CADM3: variants seen among roughly 807,000 people sequenced by gnomAD.
CADM3 encodes the protein TSLC1-like 1.
CADM3 carries 11 observed loss-of-function variants against 44.9 expected under a neutral mutation model. That is an observed-to-expected ratio of 0.25 (90% confidence interval 0.15 to 0.41). CADM3 has a LOEUF of 0.41. CADM3 is among the 10% of genes least tolerant of loss of function. The pLI is 1.00. For missense variants in CADM3, 426 were observed against 512.0 expected (o/e 0.83, Z 1.62); for synonymous variants, 207 against 205.2 (o/e 1.01, Z -0.08).
intron 1 of CADM3, among the ~76,000 whole-genome samples, chr1:159,190,238 G>T (rs1165129693): frequency 6.6e-6 from 1 of 152,162 alleles, no homozygotes; most frequent in Non-Finnish European, 1.5e-5. Context: ...CGTGGCTATG[G>T]TAAATGAAAG....
At chr1:159,176,222 G>A (rs1177647273) in intron 1 of CADM3, among the ~76,000 whole-genome samples, 1 of 152,162 alleles carries the variant, frequency 6.6e-6, no homozygotes, top group Non-Finnish European at 1.5e-5. Flanking sequence ...ACTACTGAGT[G>A]AAAAATTCAA....
chr1:159,176,985 T>G (rs1649042712), intron 1 of CADM3, among the ~76,000 whole-genome samples: 1 of 152,096 alleles, frequency 6.6e-6, no homozygotes, highest in Admixed American at 6.5e-5. Context: ...TTACAGCAAT[T>G]TTGGATACAT....
chr1:159,173,120 G>A (rs924409948), intron 1 of CADM3, among the ~76,000 whole-genome samples: 3 of 151,982 alleles, frequency 2.0e-5, no homozygotes, highest in East Asian at 1.9e-4. Context: ...TGGTGGCTAT[G>A]CCCGGCCAGA....
chr1:159,198,166 T>C (rs1649987733), intron 7 of CADM3: 1 of 152,206 alleles, frequency 6.6e-6, no homozygotes, highest in Admixed American at 6.5e-5. Flanking sequence ...TGCTGACGCC[T>C]GGTGGTAGAA....
At chr1:159,195,003 T>C (rs898759251) in intron 5 of CADM3, 5 of 152,216 alleles carry the variant, frequency 3.3e-5, no homozygotes, top group African/African-American at 1.2e-4. Flanking sequence ...AGTTGGGCAG[T>C]TTTCAAAATA....
rs747448204 is a variant in CADM3, at chr1:159,199,772, C to T, written c.974C>T (p.Ser325Phe). ...NVNDPSPVPS[S>F]SSTYHAIIGG... Reference sequence around the variant, plus strand: ...CCAGACCCCAGTCCGGTGCCCTCCTCCTCCAGCACCTACCACGCCATCATC... The same window carrying T: ...CCAGACCCCAGTCCGGTGCCCTCCTTCTCCAGCACCTACCACGCCATCATC... The change falls in exon 8 of 9, where the codon TCC becomes TTC. Residue 325 changes from serine to phenylalanine, a missense_variant. By Grantham distance (155) the Ser-to-Phe change is radical (BLOSUM62 -2). Coordinates refer to ENST00000368125, the MANE Select transcript of CADM3 (RefSeq NM_001127173.3). 1.2e-6 allele frequency: 2 copies of T among 1,614,122 alleles called. No homozygotes were observed. The highest frequency in any genetic ancestry group is 8.5e-7 in the Non-Finnish European group (1 of 1,180,028).
At chr1:159,186,905 G>GTACA (rs1278600943) in intron 1 of CADM3, among the ~76,000 whole-genome samples, 1 of 152,140 alleles carries the variant, frequency 6.6e-6, no homozygotes, top group Non-Finnish European at 1.5e-5. Context: ...AATACATCAT[G>GTACA]TACATCCCAA....
At chr1:159,197,813 G>A (rs962090249) in intron 7 of CADM3, 2 of 152,158 alleles carry the variant, frequency 1.3e-5, no homozygotes, top group Non-Finnish European at 2.9e-5. Flanking sequence ...CCTTACTTGA[G>A]ACACTCATTA....
At chr1:159,194,208 G>A (rs577076353) in intron 5 of CADM3, 168 bp downstream of exon 5, 1 of 636,180 alleles carries the variant, frequency 1.6e-6, no homozygotes, top group East Asian at 2.8e-5. Context: ...TCTTTACAGA[G>A]GGCCCAGTAA....
chr1:159,171,785 C>CGCTCCTGCTCCT lies in CADM3; in HGVS notation c.30_41dup (p.Leu11_Leu14dup). 2 of 1,241,736 alleles carry CGCTCCTGCTCCT rather than the reference C, an allele frequency of 1.6e-6. No individual in the cohort carries two copies. Among genetic ancestry groups the CGCTCCTGCTCCT allele is most frequent in the Non-Finnish European group, 2.0e-6 (2 of 992,148 alleles). 76.9% of individuals were successfully genotyped at this position (1,241,736 alleles called of 1,614,324 possible). On this transcript the variant is annotated inframe_insertion, in exon 1 of 9. Coordinates refer to ENST00000368125, the MANE Select transcript of CADM3 (RefSeq NM_001127173.3). ...AGCGCGATGGGGGCCCCAGCCGCCT[C>CGCTCCTGCTCCT]GCTCCTGCTCCTGCTCCTGCTGTTC...
chr1:159,198,871 G>A (rs1000684071), intron 7 of CADM3, among the ~76,000 whole-genome samples: 1 of 152,158 alleles, frequency 6.6e-6, no homozygotes, highest in African/African-American at 2.4e-5. Flanking sequence ...GGTTGCCATG[G>A]AGGACAGATG....
chr1:159,196,298 A>G (rs1195122504), intron 5 of CADM3, 66 bp from the exon 6 acceptor site: 10 of 1,285,146 alleles, frequency 7.8e-6, no homozygotes, highest in Admixed American at 5.2e-5. Flanking sequence ...GTAGTGTGCA[A>G]CTAAGTGAGG....
intron 1 of CADM3, among the ~76,000 whole-genome samples, chr1:159,178,947 G>A (rs1649129724): frequency 6.6e-6 from 1 of 152,176 alleles, no homozygotes; most frequent in Admixed American, 6.5e-5. Context: ...AGGCTTCCAG[G>A]ATGAATTTCC....
rs1649713518 is a variant in CADM3 at position 159,192,584 on chromosome 1, G to A, written c.236G>A (p.Arg79Gln). Residue 79 changes from arginine to glutamine, a missense_variant, in exon 3 of 9, where the codon CGA (arginine) becomes CAA (glutamine). Physicochemically the swap from Arg to Gln is conservative, Grantham distance 43. Coordinates refer to ENST00000368125, the MANE Select transcript of CADM3 (RefSeq NM_001127173.3). ...ATTCTCTTGATTTCCCCAGCCCTTC[G>A]AGATAATCGAATTCAGCTGGTTACC... ...TLYFGEKRALRDNRIQLVTST... is the reference protein window; with the variant it reads ...TLYFGEKRALQDNRIQLVTST... The A allele has an allele frequency of 6.2e-7, 1 of 1,614,030 alleles. No individual in the cohort carries two copies.
intron 1 of CADM3, among the ~76,000 whole-genome samples, chr1:159,172,373 C>A (rs1440662183): frequency 6.6e-6 from 1 of 152,124 alleles, no homozygotes; most frequent in Non-Finnish European, 1.5e-5. Flanking sequence ...CGCCCGTCCC[C>A]CACCACCCGC....
chr1:159,192,509 C>T (rs926440497), intron 2 of CADM3, 69 bp from the exon 3 acceptor site: 21 of 1,597,096 alleles, frequency 1.3e-5, no homozygotes, highest in Non-Finnish European at 1.8e-5. Flanking sequence ...AGAAGCTGGC[C>T]TGGGATTGGA....
rs780204544 is a variant in CADM3, at chr1:159,193,862, C to A, written c.521-8C>A. 3 of 1,611,802 alleles carry A rather than the reference C, an allele frequency of 1.9e-6. No homozygotes were observed. Among genetic ancestry groups the A allele is most frequent in the Admixed American group, 3.3e-5 (2 of 59,908 alleles). On this transcript the variant is annotated splice_polypyrimidine_tract_variant and splice_region_variant and intron_variant, in intron 4 of 8. Coordinates refer to ENST00000368125, the MANE Select transcript of CADM3 (RefSeq NM_001127173.3). Reference sequence around the variant, plus strand: ...GTTTGTGTGTGTGCCACTGTTTCTGCACTCTAGGAGAACCAACCCGCATAC... The same window carrying A: ...GTTTGTGTGTGTGCCACTGTTTCTGAACTCTAGGAGAACCAACCCGCATAC...
intron 1 of CADM3, among the ~76,000 whole-genome samples, chr1:159,176,053 T>A (rs1221641723): frequency 1.3e-5 from 2 of 152,184 alleles, no homozygotes; most frequent in South Asian, 2.1e-4. Context: ...GTGACTAGTC[T>A]TATTCTTTGT....
At chr1:159,190,359 G>T (rs1285609308) in intron 1 of CADM3, among the ~76,000 whole-genome samples, 1 of 152,222 alleles carries the variant, frequency 6.6e-6, no homozygotes, top group African/African-American at 2.4e-5. Context: ...GCTCAATTTA[G>T]ATGATGACTT....
Sources: gnomAD v4.1 joint callset for allele counts (sites outside exome capture counted in the v4.1 genomes callset) on GRCh38, gnomAD v4.1.1 for gene constraint, MANE v1.5 for transcripts, NCBI Gene and HGNC (gene_info 2026-07-23, HGNC 2026-07-21) for gene names.